HEMK2: variants seen among roughly 807,000 people sequenced by gnomAD.
HEMK2 encodes methyltransferase HEMK2.
the HEMK2 span, among the ~76,000 whole-genome samples, chr21:28,858,607 G>A: frequency 6.6e-6 from 1 of 151,968 alleles, no homozygotes; most frequent in Non-Finnish European, 1.5e-5. Context: ...GGGACGCAGG[G>A]AGGGAAGTGG....
the HEMK2 span, among the ~76,000 whole-genome samples, chr21:28,584,187 C>A: frequency 3.3e-5 from 5 of 152,144 alleles, no homozygotes; most frequent in Admixed American, 3.3e-4. Context: ...TCTTTTCTTA[C>A]CCTCGTAAGA....
chr21:28,709,436 G>A, the HEMK2 span, among the ~76,000 whole-genome samples: 3 of 152,106 alleles, frequency 2.0e-5, no homozygotes, highest in South Asian at 6.2e-4. Context: ...CATAATATAG[G>A]ATGGAACTTC....
the HEMK2 span, among the ~76,000 whole-genome samples, chr21:28,715,624 T>G: frequency 1.3e-5 from 2 of 152,228 alleles, no homozygotes; most frequent in Admixed American, 6.5e-5. Flanking sequence ...TATTTTGCTG[T>G]GCAGAAGTTC....
chr21:28,623,928 C>A, the HEMK2 span, among the ~76,000 whole-genome samples: 1 of 152,016 alleles, frequency 6.6e-6, no homozygotes, highest in Admixed American at 6.5e-5. Flanking sequence ...CACGTGTATA[C>A]CTATGTAACA....
the HEMK2 span, among the ~76,000 whole-genome samples, chr21:28,588,801 C>G: frequency 1.4e-4 from 22 of 151,780 alleles, no homozygotes; most frequent in East Asian, 1.2e-3. Context: ...GGCTAACACG[C>G]TGAAACCCTG....
the HEMK2 span, among the ~76,000 whole-genome samples, chr21:28,656,997 T>C: frequency 6.6e-6 from 1 of 152,130 alleles, no homozygotes; most frequent in Admixed American, 6.6e-5. Context: ...CAACAAGTAA[T>C]TAGCCTTTAT....
chr21:28,777,389 G>A, the HEMK2 span, among the ~76,000 whole-genome samples: 6 of 152,324 alleles, frequency 3.9e-5, no homozygotes, highest in African/African-American at 9.6e-5. Flanking sequence ...TAGCAAGGAA[G>A]TTTCCAGAAG....
the HEMK2 span, among the ~76,000 whole-genome samples, chr21:28,644,279 C>T: frequency 6.6e-6 from 1 of 152,140 alleles, no homozygotes; most frequent in Admixed American, 6.5e-5. Flanking sequence ...ACCATCAGAT[C>T]TCATGAGAAT....
the HEMK2 span, among the ~76,000 whole-genome samples, chr21:28,700,530 G>A: frequency 2.5e-3 from 380 of 152,192 alleles, 3 homozygotes; most frequent in African/African-American, 7.5e-3. Flanking sequence ...TGCTATGCAC[G>A]CAAGCTAGAA....
At chr21:28,721,548 C>G in the HEMK2 span, among the ~76,000 whole-genome samples, 1 of 151,758 alleles carries the variant, frequency 6.6e-6, no homozygotes, top group African/African-American at 2.4e-5. Flanking sequence ...CTTATATGGA[C>G]TGCATTGTGT....
chr21:28,735,465 A>G, the HEMK2 span, among the ~76,000 whole-genome samples: 24,338 of 152,068 alleles, frequency 0.16, 2,212 homozygotes, highest in East Asian at 0.25. Context: ...GATGACCCAC[A>G]TTCCTTATCA....
the HEMK2 span, among the ~76,000 whole-genome samples, chr21:28,869,564 T>C: frequency 6.6e-6 from 1 of 152,206 alleles, no homozygotes; most frequent in Non-Finnish European, 1.5e-5. Context: ...CCCTGGCCAC[T>C]GGAATTTGAA....
chr21:28,840,310 G>T, the HEMK2 span, among the ~76,000 whole-genome samples: 1 of 152,158 alleles, frequency 6.6e-6, no homozygotes, highest in Non-Finnish European at 1.5e-5. Flanking sequence ...CTTAGGCAAG[G>T]ATTTCATAAC....
At chr21:28,741,818 T>C in the HEMK2 span, among the ~76,000 whole-genome samples, 4 of 152,234 alleles carry the variant, frequency 2.6e-5, no homozygotes, top group Non-Finnish European at 5.9e-5. Flanking sequence ...GGCATTTAGG[T>C]TGACTCCATG....
At chr21:28,788,396 C>A in the HEMK2 span, among the ~76,000 whole-genome samples, 1 of 151,536 alleles carries the variant, frequency 6.6e-6, no homozygotes, top group South Asian at 2.1e-4. Context: ...AGACTGGAGA[C>A]TATTATTCTA....
the HEMK2 span, among the ~76,000 whole-genome samples, chr21:28,883,623 TTGAA>T: frequency 6.6e-6 from 1 of 152,238 alleles, no homozygotes; most frequent in African/African-American, 2.4e-5. Context: ...TATCTGATCT[TTGAA>T]TGTTAACCAT....
chr21:28,661,563 AAT>A, the HEMK2 span, among the ~76,000 whole-genome samples: 12 of 149,956 alleles, frequency 8.0e-5, no homozygotes, highest in Admixed American at 2.7e-4. Flanking sequence ...TATGTATGCA[AAT>A]ATATATATAT....
At chr21:28,831,474 A>AAGAAT in the HEMK2 span, among the ~76,000 whole-genome samples, 1 of 42,390 alleles carries the variant, frequency 2.4e-5, no homozygotes, top group Non-Finnish European at 4.0e-5. Context: ...AAAGAAAGAA[A>AAGAAT]GAAAGAAAGA....
chr21:28,640,636 AACT>A, the HEMK2 span, among the ~76,000 whole-genome samples: 3 of 152,194 alleles, frequency 2.0e-5, no homozygotes, highest in African/African-American at 4.8e-5. Context: ...TTCCTCTGAC[AACT>A]ACTACTACCA....
Sources: allele counts gnomAD v4.1 joint callset (sites outside exome capture counted in the v4.1 genomes callset), GRCh38; gene constraint gnomAD v4.1.1; transcripts MANE v1.5; gene names NCBI Gene and HGNC (gene_info 2026-07-23, HGNC 2026-07-21).